Variants in FER observed in about 807,000 individuals in gnomAD.
FER encodes the protein tyrosine-protein kinase Fer.
Under a neutral mutation model 111.0 loss-of-function variants are expected in FER, and 63 were observed. The observed-to-expected ratio is 0.57, with a 90% CI of 0.46 to 0.70. The LOEUF is 0.70. Among genes scored for constraint, FER ranks in the 30% least tolerant of loss-of-function variants. The pLI is 0.00. For synonymous variants in FER, 327 were observed against 313.9 expected (o/e 1.04, Z -0.44); for missense variants, 914 against 954.0 (o/e 0.96, Z 0.55).
chr5:108,896,719 G>T (rs1581103177), intron 9 of FER, among the ~76,000 whole-genome samples: 1 of 152,150 alleles, frequency 6.6e-6, no homozygotes, highest in Middle Eastern at 3.4e-3. Context: ...CTTAGTGTGG[G>T]TTACTTTTGT....
intron 8 of FER, among the ~76,000 whole-genome samples, chr5:108,876,455 C>G (rs1424293215): frequency 1.3e-5 from 2 of 152,152 alleles, no homozygotes; most frequent in East Asian, 3.9e-4. Context: ...AGTTATAACT[C>G]AACAGCATTT....
At chr5:108,984,814 A>G (rs1278015173) in intron 13 of FER, among the ~76,000 whole-genome samples, 1 of 152,086 alleles carries the variant, frequency 6.6e-6, no homozygotes, top group East Asian at 1.9e-4. Context: ...TGGTAAGGCA[A>G]CAGTTTAGAC....
chr5:109,139,291 A>C (rs1357986753), intron 17 of FER, among the ~76,000 whole-genome samples: 352 of 107,838 alleles, frequency 3.3e-3, no homozygotes, highest in African/African-American at 4.8e-3. Context: ...GAAGATTCCC[A>C]CCCCCACCCT....
At chr5:108,886,751 G>C (rs1285529545) in intron 9 of FER, among the ~76,000 whole-genome samples, 1 of 151,590 alleles carries the variant, frequency 6.6e-6, no homozygotes, top group African/African-American at 2.4e-5. Context: ...CCCAACTCTT[G>C]TTAACCTTTG....
chr5:108,788,816 G>T (rs1755039414), intron 2 of FER, among the ~76,000 whole-genome samples: 1 of 152,128 alleles, frequency 6.6e-6, no homozygotes, highest in African/African-American at 2.4e-5. Context: ...ACTCAAAGTA[G>T]TTCCATATTC....
chr5:108,849,524 GCCT>G (rs1762349933), intron 5 of FER, among the ~76,000 whole-genome samples: 1 of 151,804 alleles, frequency 6.6e-6, no homozygotes, highest in African/African-American at 2.4e-5. Context: ...TATAGGTTTT[GCCT>G]CCTCAAGTAT....
intron 16 of FER, among the ~76,000 whole-genome samples, chr5:109,086,729 T>C (rs1365206997): frequency 6.6e-6 from 1 of 151,712 alleles, no homozygotes; most frequent in East Asian, 1.9e-4. Flanking sequence ...AATCATGTTC[T>C]AATTTTTCTT....
chr5:109,117,946 A>G (rs575903347), intron 17 of FER, among the ~76,000 whole-genome samples: 4,996 of 151,794 alleles, frequency 0.033, 139 homozygotes, highest in South Asian at 0.08. Flanking sequence ...CAATCATGTC[A>G]TCTGCAAATA....
chr5:109,126,797 CT>C, intron 17 of FER, among the ~76,000 whole-genome samples: 1 of 152,246 alleles, frequency 6.6e-6, no homozygotes, highest in South Asian at 2.1e-4. Context: ...TATACACTAG[CT>C]TTGATAAATG....
At chr5:109,166,208 T>C (rs887306559) in intron 17 of FER, among the ~76,000 whole-genome samples, 6 of 152,054 alleles carry the variant, frequency 3.9e-5, no homozygotes, top group Non-Finnish European at 5.9e-5. Flanking sequence ...TTGGGGTATA[T>C]TTTAACAGAG....
At chr5:108,927,767 G>A (rs1753988231) in intron 10 of FER, among the ~76,000 whole-genome samples, 2 of 152,160 alleles carry the variant, frequency 1.3e-5, no homozygotes, top group African/African-American at 4.8e-5. Flanking sequence ...TTGGGATGAC[G>A]TTAGCAGTCA....
rs548027813 is a variant in FER at position 109,030,098 on chromosome 5, A to G, written c.1657-7324A>G. Among the ~76,000 whole-genome samples the G allele has an allele frequency of 4.4e-4, 67 of 151,956 alleles. 1 individual carries two copies. The highest frequency in any genetic ancestry group is 1.5e-3 in the African/African-American group (62 of 41,438). On this transcript the variant is annotated intron_variant, in intron 13 of 19. Transcript: ENST00000281092. ...TAGCCTCTCTTATCTTCACTTTACT[A>G]TTGAGCCCATTCAGTGAGTTTTTAA... is the stretch of plus-strand genomic sequence containing the variant.
chr5:109,012,728 G>T (rs1439473176), intron 13 of FER, among the ~76,000 whole-genome samples: 2 of 152,088 alleles, frequency 1.3e-5, no homozygotes, highest in African/African-American at 4.8e-5. Context: ...CAGCATAACT[G>T]CTAATTACAG....
chr5:109,145,759 T>C (rs1350714658), intron 17 of FER, among the ~76,000 whole-genome samples: 2 of 152,104 alleles, frequency 1.3e-5, no homozygotes, highest in African/African-American at 4.8e-5. Flanking sequence ...TAGAATGTTA[T>C]TATTGGAACT....
At chr5:109,182,758 T>C (rs989055011) in intron 18 of FER, among the ~76,000 whole-genome samples, 6 of 152,234 alleles carry the variant, frequency 3.9e-5, no homozygotes, top group African/African-American at 1.4e-4. Flanking sequence ...AAGTGTTGTA[T>C]TTACAAATTA....
At chr5:109,066,508 A>G (rs1178989275) in intron 16 of FER, among the ~76,000 whole-genome samples, 3 of 152,188 alleles carry the variant, frequency 2.0e-5, no homozygotes, top group Non-Finnish European at 1.5e-5. Flanking sequence ...GTTAAGTAGG[A>G]TTTCTAAACT....
chr5:108,824,866 A>G (rs866579493), intron 3 of FER, among the ~76,000 whole-genome samples: 8 of 152,104 alleles, frequency 5.3e-5, no homozygotes, highest in Admixed American at 2.6e-4. Flanking sequence ...CTTGAGAAAT[A>G]AAAGGACAGA....
intron 10 of FER, among the ~76,000 whole-genome samples, chr5:108,941,456 G>A (rs1242801358): frequency 2.0e-5 from 3 of 152,102 alleles, no homozygotes; most frequent in Non-Finnish European, 2.9e-5. Context: ...GGAATTATGA[G>A]ATATTCGTTA....
rs10051367 is a variant in FER, at chr5:109,079,769, G to A, written c.1925-20627G>A. ...ATATCACATTAGATTAGATTCTGCA[G>A]ATTTTTAGACCTTTCCCTGCTTAAA... is the stretch of plus-strand genomic sequence containing the variant. On this transcript the variant is annotated intron_variant, in intron 16 of 19. Transcript: ENST00000281092. 8.0e-3 allele frequency among the ~76,000 whole-genome samples: 1,211 copies of A among 152,178 alleles called. 14 individuals carry two copies. Among genetic ancestry groups the A allele is most frequent in the African/African-American group, 0.027 (1,115 of 41,534 alleles).
Sources: gnomAD v4.1 joint callset for allele counts (sites outside exome capture counted in the v4.1 genomes callset) on GRCh38, gnomAD v4.1.1 for gene constraint, MANE v1.5 for transcripts, NCBI Gene and HGNC (gene_info 2026-07-23, HGNC 2026-07-21) for gene names.